PLPPR1: variants seen among roughly 807,000 people sequenced by gnomAD.
The protein encoded by PLPPR1 is phospholipid phosphatase-related protein type 1.
In PLPPR1, 10 loss-of-function variants were observed where a neutral mutation model predicts 33.1. The observed-to-expected ratio is 0.30, with a 90% CI of 0.19 to 0.51. The LOEUF (loss-of-function observed/expected upper bound fraction) is 0.51, where lower values mean the gene tolerates loss of function less well. Ranked by LOEUF, PLPPR1 falls within the 20% of genes least tolerant of loss-of-function variation. The probability of loss-of-function intolerance (pLI) is 0.97; values close to 1 mark genes in which losing one functional copy is unlikely to be tolerated. For synonymous variants in PLPPR1, 151 were observed against 151.0 expected, an observed-to-expected ratio of 1.00 and a Z score of 0.00; for missense variants, 304 against 408.1, an observed-to-expected ratio of 0.74 and a Z score of 2.20.
At chr9:101,087,790 C>A (rs745328007) in intron 1 of PLPPR1, among the ~76,000 whole-genome samples, 1 of 152,184 alleles carries the variant, frequency 6.6e-6, no homozygotes, top group Non-Finnish European at 1.5e-5. Context: ...TGATCGTAAT[C>A]TTTTCTAGAA....
intron 2 of PLPPR1, among the ~76,000 whole-genome samples, chr9:101,203,303 G>T (rs1188272202): frequency 2.0e-5 from 3 of 152,092 alleles, no homozygotes; most frequent in Non-Finnish European, 4.4e-5. Flanking sequence ...TACTTTTAAA[G>T]CATAACTTTT....
At position 101,320,702 on chromosome 9, in the gene PLPPR1, T is replaced by C. The variant is rs191754355; in HGVS notation, c.945+3206T>C. Among the ~76,000 whole-genome samples the C allele has an allele frequency of 7.4e-4, 113 of 152,316 alleles. 1 individual carries two copies. The highest frequency in any genetic ancestry group is 2.2e-4 in the Non-Finnish European group (15 of 68,016). Reference sequence around the variant, plus strand: ...GTTTCCACATGGATAGTTAGAAAGATAAACCCTTTATTTGTTGGTCAAGAA... The same window carrying C: ...GTTTCCACATGGATAGTTAGAAAGACAAACCCTTTATTTGTTGGTCAAGAA... On this transcript the variant is annotated intron_variant, in intron 7 of 7. Transcript: ENST00000374874.
At chr9:101,262,718 A>G (rs1019085627) in intron 2 of PLPPR1, among the ~76,000 whole-genome samples, 2 of 152,216 alleles carry the variant, frequency 1.3e-5, no homozygotes, top group Non-Finnish European at 1.5e-5. Context: ...TGTTTATTGC[A>G]GCACTGTTCA....
chr9:101,041,707 TTGTGCCTGG>T (rs1830079957), intron 1 of PLPPR1, among the ~76,000 whole-genome samples: 1 of 152,108 alleles, frequency 6.6e-6, no homozygotes, highest in South Asian at 2.1e-4. Flanking sequence ...CTACTTGAAG[TTGTGCCTGG>T]AGTCCCTCCT....
intron 1 of PLPPR1, among the ~76,000 whole-genome samples, chr9:101,174,599 G>A (rs758616609): frequency 6.6e-6 from 1 of 152,076 alleles, no homozygotes; most frequent in Non-Finnish European, 1.5e-5. Context: ...TTCCCCTCCT[G>A]CTATCACCAT....
chr9:101,214,760 T>C (rs1282406904), intron 2 of PLPPR1, among the ~76,000 whole-genome samples: 2 of 152,194 alleles, frequency 1.3e-5, no homozygotes, highest in African/African-American at 2.4e-5. Context: ...CGGTGCATCA[T>C]GCCTGTAATC....
intron 1 of PLPPR1, among the ~76,000 whole-genome samples, chr9:101,165,760 G>A (rs901365584): frequency 2.6e-5 from 4 of 152,144 alleles, no homozygotes; most frequent in African/African-American, 9.7e-5. Flanking sequence ...AAACAGAAAA[G>A]ATGACTGTTT....
chr9:101,121,069 A>C (rs561947419), intron 1 of PLPPR1, among the ~76,000 whole-genome samples: 2 of 152,218 alleles, frequency 1.3e-5, no homozygotes, highest in Admixed American at 1.3e-4. Context: ...TCTGATGGCC[A>C]GATCAGATTC....
intron 1 of PLPPR1, among the ~76,000 whole-genome samples, chr9:101,144,183 G>A (rs535228607): frequency 1.2e-4 from 18 of 152,026 alleles, no homozygotes; most frequent in South Asian, 4.2e-4. Flanking sequence ...ACCAAACACC[G>A]CATGTTCTCA....
chr9:101,207,333 A>G (rs1450296972), intron 2 of PLPPR1, among the ~76,000 whole-genome samples: 3 of 152,164 alleles, frequency 2.0e-5, no homozygotes, highest in Non-Finnish European at 4.4e-5. Flanking sequence ...CTGCAGTATT[A>G]TTATTGCCCT....
chr9:101,095,860 A>T (rs1830810706), intron 1 of PLPPR1, among the ~76,000 whole-genome samples: 2 of 152,142 alleles, frequency 1.3e-5, no homozygotes, highest in Non-Finnish European at 2.9e-5. Flanking sequence ...TTTGCTTTAA[A>T]TGTTGACCCA....
intron 3 of PLPPR1, among the ~76,000 whole-genome samples, chr9:101,281,705 AAAGAG>A (rs1211272481): frequency 6.6e-6 from 1 of 152,128 alleles, no homozygotes; most frequent in Admixed American, 6.5e-5. Flanking sequence ...AGACAAGAAA[AAAGAG>A]AAGATTCAAA....
chr9:101,309,180 C>T lies in PLPPR1; in HGVS notation c.386-31C>T, dbSNP rs201088262. 22 of 1,612,322 alleles carry T rather than the reference C, an allele frequency of 1.4e-5. No individual in the cohort carries two copies. In the African/African-American group the frequency reaches 2.8e-4, roughly 21 times the overall value. On this transcript the variant is annotated intron_variant, in intron 4 of 7. Transcript: ENST00000374874. ...AAAATGCAATTGACAGAGTATGTTA[C>T]CATTCCTAATGATTTTAAATCTTCT...
At chr9:101,235,543 T>C (rs1442547502) in intron 2 of PLPPR1, among the ~76,000 whole-genome samples, 2 of 151,896 alleles carry the variant, frequency 1.3e-5, no homozygotes, top group African/African-American at 2.4e-5. Flanking sequence ...ACTTTCATTT[T>C]CTAAAGTTTC....
intron 1 of PLPPR1, among the ~76,000 whole-genome samples, chr9:101,082,413 C>A (rs759202023): frequency 6.6e-6 from 1 of 151,962 alleles, no homozygotes; most frequent in Non-Finnish European, 1.5e-5. Flanking sequence ...CCTCCCCCAC[C>A]AAGGAGGGGA....
chr9:101,029,313 C>T (rs1829911237), intron 1 of PLPPR1, among the ~76,000 whole-genome samples: 1 of 152,176 alleles, frequency 6.6e-6, no homozygotes, highest in Non-Finnish European at 1.5e-5. Flanking sequence ...TCAGATTGAC[C>T]CAGCAGAAAG....
At chr9:101,269,456 T>G (rs1828055648) in intron 2 of PLPPR1, among the ~76,000 whole-genome samples, 4 of 152,178 alleles carry the variant, frequency 2.6e-5, no homozygotes. Context: ...ATAAGGTAAG[T>G]CTACCTGTAA....
chr9:101,278,156 A>C (rs1286470133), intron 3 of PLPPR1, among the ~76,000 whole-genome samples: 1 of 152,260 alleles, frequency 6.6e-6, no homozygotes, highest in African/African-American at 2.4e-5. Context: ...TATAACATGC[A>C]GTGAAATTTC....
At chr9:101,085,090 G>A (rs986613989) in intron 1 of PLPPR1, among the ~76,000 whole-genome samples, 5 of 152,096 alleles carry the variant, frequency 3.3e-5, no homozygotes, top group African/African-American at 1.2e-4. Flanking sequence ...TGCTGTGGAA[G>A]CTTAGGAGCC....
Sources: gnomAD v4.1 joint callset for allele counts (sites outside exome capture counted in the v4.1 genomes callset) on GRCh38, gnomAD v4.1.1 for gene constraint, MANE v1.5 for transcripts, NCBI Gene and HGNC (gene_info 2026-07-23, HGNC 2026-07-21) for gene names.